Variants in SYCP2L observed in about 807,000 individuals in gnomAD.
The protein encoded by SYCP2L is synaptonemal complex protein 2 like, also known as synaptonemal complex protein 2-like.
Under a neutral mutation model 125.8 loss-of-function variants are expected in SYCP2L, and 98 were observed. That is an observed-to-expected ratio of 0.78 (90% confidence interval 0.66 to 0.92). SYCP2L has a LOEUF of 0.92. SYCP2L is among the 40% of genes least tolerant of loss of function. SYCP2L has a pLI of 0.00. For synonymous variants in SYCP2L, 317 were observed against 325.4 expected (o/e 0.97, Z 0.28); for missense variants, 842 against 936.4 (o/e 0.90, Z 1.32).
chr6:10,892,189 A>T (rs1444778373), intron 2 of SYCP2L, among the ~76,000 whole-genome samples: 1 of 152,252 alleles, frequency 6.6e-6, no homozygotes, highest in Admixed American at 6.5e-5. Flanking sequence ...AGCTTGACTT[A>T]TCCTAGGACT....
At chr6:10,902,459 A>T (rs1029654939) in intron 6 of SYCP2L, among the ~76,000 whole-genome samples, 1 of 152,216 alleles carries the variant, frequency 6.6e-6, no homozygotes, top group Non-Finnish European at 1.5e-5. Context: ...GTCACCAAGA[A>T]CCATGGAAAA....
At chr6:10,933,739 A>G (rs755411309) in intron 20 of SYCP2L, among the ~76,000 whole-genome samples, 2 of 152,234 alleles carry the variant, frequency 1.3e-5, no homozygotes, top group East Asian at 1.9e-4. Context: ...TTTGAATGAA[A>G]GCACAAGGAG....
rs546193010 is a variant in SYCP2L, at chr6:10,903,788, A to G, written c.641+825A>G. Among the ~76,000 whole-genome samples the G allele has an allele frequency of 2.2e-4, 34 of 152,132 alleles. No individual in the cohort carries two copies. The South Asian group carries it at 5.8e-3, about 26-fold the overall frequency. On this transcript the variant is annotated intron_variant, in intron 8 of 29. Coordinates refer to ENST00000283141, the MANE Select transcript of SYCP2L (RefSeq NM_001040274.3). ...ATAAATAAAAATAAAAAAATAAAAA[A>G]GACATTCCTAGATTTTTCCTTTTTA... is the stretch of plus-strand genomic sequence containing the variant.
Position 10,893,264 on chromosome 6 carries a change from C to T in SYCP2L, c.79-603C>T, listed in dbSNP as rs566825320. Among the ~76,000 whole-genome samples the T allele has an allele frequency of 4.3e-4, 65 of 152,324 alleles. 2 individuals carry two copies. In the South Asian group the frequency reaches 0.013, roughly 31 times the overall value. ...TCGCCTGCCTTGGCCTCCCAAAGTG[C>T]TGGGATTACAGGCGTGCGCCACTGC... On this transcript the variant is annotated intron_variant, in intron 2 of 29. Coordinates refer to ENST00000283141, the MANE Select transcript of SYCP2L (RefSeq NM_001040274.3).
intron 24 of SYCP2L, 75 bp from the exon 25 acceptor site, chr6:10,956,061 G>C: frequency 8.2e-7 from 1 of 1,215,612 alleles, no homozygotes; most frequent in Non-Finnish European, 1.2e-6. Flanking sequence ...TCATCCTCTG[G>C]GCAACTGATG....
intron 23 of SYCP2L, among the ~76,000 whole-genome samples, chr6:10,944,779 A>G (rs762596967): frequency 6.6e-6 from 1 of 152,014 alleles, no homozygotes; most frequent in African/African-American, 2.4e-5. Context: ...TAGTGGCGTG[A>G]TCTTGGCTCA....
chr6:10,895,678 G>T (rs992516910), intron 4 of SYCP2L, among the ~76,000 whole-genome samples: 2 of 152,032 alleles, frequency 1.3e-5, no homozygotes, highest in African/African-American at 4.8e-5. Flanking sequence ...CAGATTATTC[G>T]AAGAGAAACC....
intron 23 of SYCP2L, among the ~76,000 whole-genome samples, chr6:10,947,788 A>G (rs1313553860): frequency 1.3e-5 from 2 of 152,116 alleles, no homozygotes; most frequent in African/African-American, 2.4e-5. Context: ...TCTTAAAAAT[A>G]GCAGTGAAAA....
intron 1 of SYCP2L, among the ~76,000 whole-genome samples, chr6:10,887,676 T>C (rs1241674958): frequency 6.6e-6 from 1 of 152,142 alleles, no homozygotes; most frequent in Non-Finnish European, 1.5e-5. Context: ...TCTGCCTGGG[T>C]TCCTGGTGGT....
Position 10,927,241 on chromosome 6 carries a change from G to C in SYCP2L, c.1314G>C (p.Glu438Asp), listed in dbSNP as rs776577955. ...TAGTCTTTTTCTTAATTTGTATAGAGCAGGCAGAAGAATCCACTAACATGG... is the reference window on the plus strand; with the variant it reads ...TAGTCTTTTTCTTAATTTGTATAGACCAGGCAGAAGAATCCACTAACATGG... ...ESPSGLERET[E>D]QAEESTNMVE... The change falls in exon 17 of 30, where the codon GAG (glutamate) becomes GAC (aspartate). Residue 438 changes from glutamate to aspartate, a missense_variant and splice_region_variant. Physicochemically the swap from Glu to Asp is conservative, Grantham distance 45. Transcript: ENST00000283141. 1 of 1,613,944 alleles carries C rather than the reference G, an allele frequency of 6.2e-7. No homozygotes were observed. Among genetic ancestry groups the C allele is most frequent in the Non-Finnish European group, 8.5e-7 (1 of 1,179,992 alleles).
rs1398139693 is a variant in SYCP2L, at chr6:10,894,214, C to G, written c.336+10C>G. ...GGGACTGATCCCAAAGATAAGTGTCCTATTTTAATTTTATATGGCTTTGGG... is the reference window on the plus strand; with the variant it reads ...GGGACTGATCCCAAAGATAAGTGTCGTATTTTAATTTTATATGGCTTTGGG... On this transcript the variant is annotated intron_variant, in intron 4 of 29. Coordinates refer to ENST00000283141, the MANE Select transcript of SYCP2L (RefSeq NM_001040274.3). The G allele has an allele frequency of 3.1e-6, 5 of 1,610,668 alleles. No homozygotes were observed. The South Asian group carries it at 5.6e-5, about 18-fold the overall frequency.
At chr6:10,893,788 A>T (rs1780212293) in intron 2 of SYCP2L, 79 bp from the exon 3 acceptor site, 12 of 1,445,584 alleles carry the variant, frequency 8.3e-6, no homozygotes, top group Middle Eastern at 2.4e-4. Flanking sequence ...ATTCTTATTG[A>T]TAATGAGATC....
At chr6:10,956,714 C>T (rs537141160) in intron 25 of SYCP2L, among the ~76,000 whole-genome samples, 11 of 152,244 alleles carry the variant, frequency 7.2e-5, no homozygotes, top group South Asian at 6.2e-4. Context: ...CCACCTGCCT[C>T]GGCCTCCCAA....
Position 10,894,157 on chromosome 6 carries a change from C to T in SYCP2L, c.289C>T (p.Leu97=). 1 of 1,613,448 alleles carries T rather than the reference C, an allele frequency of 6.2e-7. No individual in the cohort carries two copies. Among genetic ancestry groups the T allele is most frequent in the Non-Finnish European group, 8.5e-7 (1 of 1,179,868 alleles). Residue 97 remains leucine (L), a synonymous_variant, in exon 4 of 30, where the codon CTG becomes TTG. Transcript: ENST00000283141. ...TATTCAGCGATTCCTCGTAGATGGC[C>T]TGAAAGAAGATGAACCTCTGCTAAT... ...KCIQRFLVDG[L]KEDEPLLIRQ... is the part of the protein sequence containing the mutation.
chr6:10,927,556 G>C (rs954218686), intron 17 of SYCP2L, among the ~76,000 whole-genome samples, 189 bp downstream of exon 17: 1 of 152,100 alleles, frequency 6.6e-6, no homozygotes, highest in Non-Finnish European at 1.5e-5. Context: ...GGGAGTGTAC[G>C]AATAGGGTGT....
At chr6:10,907,747 TTTCC>T in intron 10 of SYCP2L, 63 bp downstream of exon 10, 1 of 1,564,624 alleles carries the variant, frequency 6.4e-7, no homozygotes, top group African/African-American at 1.4e-5. Context: ...CGCTGAGAAC[TTTCC>T]TGTGCATTGG....
At chr6:10,895,650 A>G (rs1418378492) in intron 4 of SYCP2L, among the ~76,000 whole-genome samples, 1 of 151,994 alleles carries the variant, frequency 6.6e-6, no homozygotes, top group Non-Finnish European at 1.5e-5. Context: ...ACTATGAATT[A>G]GAGAATAAAA....
At position 10,912,904 on chromosome 6, in the gene SYCP2L, C is replaced by T. The variant is rs374854108; in HGVS notation, c.1049C>T (p.Ala350Val). The T allele has an allele frequency of 4.1e-5, 66 of 1,613,608 alleles. 1 individual carries two copies. The highest frequency in any genetic ancestry group is 1.9e-4 in the South Asian group (17 of 91,064). Residue 350 changes from alanine (A) to valine (V), a missense_variant, in exon 14 of 30, where the codon GCG becomes GTG. Physicochemically the swap from Ala to Val is moderately conservative, Grantham distance 64 (BLOSUM62 0). Coordinates refer to ENST00000283141, the MANE Select transcript of SYCP2L (RefSeq NM_001040274.3). This position sits in a 1 kb window ranked among gnomAD's most constrained non-coding sequence, Gnocchi z 4.1. ...GACTCAGTGACACTTCCGAAGGAAGCGGTGATGAATTTCAGCATAACAGGT... is the reference window on the plus strand; with the variant it reads ...GACTCAGTGACACTTCCGAAGGAAGTGGTGATGAATTTCAGCATAACAGGT... The part of the protein sequence containing the change: ...LWDSVTLPKE[A>V]VMNFSITETE...
At chr6:10,891,693 T>C (rs1442554413) in intron 2 of SYCP2L, 112 bp downstream of exon 2, 4 of 694,410 alleles carry the variant, frequency 5.8e-6, no homozygotes, top group Non-Finnish European at 8.8e-6. Context: ...GTATTCTTTC[T>C]AGTTCTGTGT....
Sources: gnomAD v4.1 joint callset for allele counts (sites outside exome capture counted in the v4.1 genomes callset) on GRCh38, gnomAD v4.1.1 for gene constraint, Gnocchi (gnomAD v3.1) non-coding constraint, MANE v1.5 for transcripts, NCBI Gene and HGNC (gene_info 2026-07-23, HGNC 2026-07-21) for gene names.